The following DYNAP variants were observed in gnomAD, a reference collection of about 807,000 sequenced individuals.
DYNAP encodes the protein dynactin-associated protein.
Under a neutral mutation model 8.5 loss-of-function variants are expected in DYNAP, and 7 were observed. The ratio of observed to expected loss-of-function variants is 0.82; its 90% CI spans 0.47 to 1.54. The LOEUF is 1.54. Ranked by LOEUF, DYNAP falls within the 40% of genes most tolerant of loss-of-function variation. The pLI, the probability that DYNAP is intolerant of heterozygous loss-of-function variation, is 0.01. For synonymous variants in DYNAP, 77 were observed against 77.9 expected, an observed-to-expected ratio of 0.99 and a Z score of 0.06; for missense variants, 256 against 224.3, an observed-to-expected ratio of 1.14 and a Z score of -0.90.
intron 1 of DYNAP, 56 bp downstream of exon 1, chr18:54,591,395 C>T (rs1340450869): frequency 1.9e-6 from 3 of 1,539,782 alleles, no homozygotes; most frequent in African/African-American, 1.4e-5. Context: ...TCATTTTCAG[C>T]ATTTAAAAGC....
chr18:54,578,101 G>T, the DYNAP span, among the ~76,000 whole-genome samples: 1 of 152,210 alleles, frequency 6.6e-6, no homozygotes, highest in South Asian at 2.1e-4. Context: ...TCCCTCAGAG[G>T]AGGTATCAGT....
rs181847007 is a variant in DYNAP, at chr18:54,592,614, A to C, written c.57+1275A>C. 7.2e-5 allele frequency among the ~76,000 whole-genome samples: 11 copies of C among 152,294 alleles called. No homozygotes were observed. The East Asian group carries it at 2.1e-3, about 29-fold the overall frequency. On this transcript the variant is annotated intron_variant, in intron 1 of 2. Transcript: ENST00000648945. Reference sequence around the variant, plus strand: ...GTAAAAAACTTACCGAATGTACTTTAGTTAAGTACAACCAATGCATTTCAG... The same window carrying C: ...GTAAAAAACTTACCGAATGTACTTTCGTTAAGTACAACCAATGCATTTCAG...
chr18:54,580,687 T>G, the DYNAP span, among the ~76,000 whole-genome samples: 1 of 152,216 alleles, frequency 6.6e-6, no homozygotes, highest in Admixed American at 6.5e-5. Flanking sequence ...AAGATAAATT[T>G]GAATCTACAA....
chr18:54,588,495 G>A (rs1353628741), upstream of DYNAP, among the ~76,000 whole-genome samples: 1 of 152,052 alleles, frequency 6.6e-6, no homozygotes, highest in African/African-American at 2.4e-5. Flanking sequence ...GTGAGCCACC[G>A]CGCCCGGCCT....
chr18:54,594,905 A>G (rs780183487), intron 1 of DYNAP, 34 bp from the exon 2 acceptor site: 8 of 1,583,170 alleles, frequency 5.1e-6, no homozygotes, highest in Middle Eastern at 3.4e-4. Flanking sequence ...ATGGTTTCCT[A>G]GGCTTCCTAC....
chr18:54,584,531 T>C (rs1910814153), upstream of DYNAP, among the ~76,000 whole-genome samples: 1 of 152,042 alleles, frequency 6.6e-6, no homozygotes, highest in South Asian at 2.1e-4. Context: ...CACACCTGCA[T>C]TGTGAAAAAA....
upstream of DYNAP, among the ~76,000 whole-genome samples, chr18:54,590,514 T>G (rs969574874): frequency 6.6e-6 from 1 of 152,146 alleles, no homozygotes; most frequent in Non-Finnish European, 1.5e-5. Context: ...AATCCAAAAG[T>G]GTCATATACA....
At chr18:54,594,819 A>G (rs1749104472) in intron 1 of DYNAP, 120 bp from the exon 2 acceptor site, 20 of 1,122,542 alleles carry the variant, frequency 1.8e-5, no homozygotes, top group Non-Finnish European at 2.2e-5. Context: ...AGGGGATAAG[A>G]AAACATTTAT....
At chr18:54,581,371 G>T in the DYNAP span, among the ~76,000 whole-genome samples, 1 of 152,146 alleles carries the variant, frequency 6.6e-6, no homozygotes, top group Non-Finnish European at 1.5e-5. Flanking sequence ...ACATGAACAC[G>T]CTTTGTTTAC....
At chr18:54,595,425 A>G (rs2144890629) in intron 2 of DYNAP, among the ~76,000 whole-genome samples, 1 of 152,236 alleles carries the variant, frequency 6.6e-6, no homozygotes, top group East Asian at 1.9e-4. Flanking sequence ...ATGAATAAGA[A>G]TGTTGGCAAT....
At chr18:54,585,812 C>T (rs905615468), upstream of DYNAP, among the ~76,000 whole-genome samples, 2 of 152,158 alleles carry the variant, frequency 1.3e-5, no homozygotes, top group African/African-American at 4.8e-5. Flanking sequence ...ATGAGCTGCT[C>T]CAGCTTCGTG....
At chr18:54,597,225 A>T (rs1911330853) in intron 2 of DYNAP, among the ~76,000 whole-genome samples, 1 of 151,978 alleles carries the variant, frequency 6.6e-6, no homozygotes, top group South Asian at 2.1e-4. Context: ...TCTCACATTA[A>T]AAAAAAGGTA....
At chr18:54,592,033 G>C (rs1230098684) in intron 1 of DYNAP, among the ~76,000 whole-genome samples, 1 of 152,152 alleles carries the variant, frequency 6.6e-6, no homozygotes. Context: ...TGAAACATGT[G>C]TGAAGAAATA....
rs889065859 is a variant in DYNAP, at chr18:54,599,166, C to T, written c.*1021C>T. On this transcript the variant is annotated 3_prime_UTR_variant, in exon 3 of 3. Transcript: ENST00000648945. ...CCACTTTGGACACATGTTCTCAGGA[C>T]CTCCTGAGGGCTATGTCATGAGCCA... The T allele has an allele frequency of 3.9e-5, 6 of 152,102 alleles. No homozygotes were observed. Among genetic ancestry groups the T allele is most frequent in the African/African-American group, 1.4e-4 (6 of 41,414 alleles). 9.4% of individuals were successfully genotyped at this position (152,102 alleles called of 1,614,324 possible).
chr18:54,597,769 G>A (rs1398435843), intron 2 of DYNAP, 44 bp from the exon 3 acceptor site: 1 of 1,543,592 alleles, frequency 6.5e-7, no homozygotes, highest in Non-Finnish European at 8.8e-7. Context: ...TAAATTACAA[G>A]CATTTTTGTT....
chr18:54,582,015 G>A, the DYNAP span, among the ~76,000 whole-genome samples: 3 of 152,262 alleles, frequency 2.0e-5, no homozygotes, highest in South Asian at 4.1e-4. Context: ...GGCCGGGCGC[G>A]ATGGCTCACG....
At chr18:54,595,205 C>A in intron 2 of DYNAP, 102 bp downstream of exon 2, 2 of 1,301,224 alleles carry the variant, frequency 1.5e-6, no homozygotes, top group Non-Finnish European at 2.0e-6. Context: ...TTACTTAATT[C>A]ATTTATATTT....
the DYNAP span, among the ~76,000 whole-genome samples, chr18:54,579,961 G>A: frequency 9.9e-5 from 15 of 152,174 alleles, no homozygotes; most frequent in Non-Finnish European, 1.5e-4. Context: ...ATATTTTGAT[G>A]TAATGAGGTC....
rs752460267 is a variant in DYNAP at position 54,598,275 on chromosome 18, T to C, written c.*130T>C. ...GCTGCAGTCACTTTAACAGACTCTA[T>C]AACCGTTACAACTTCAACAAAATCA... On this transcript the variant is annotated 3_prime_UTR_variant, in exon 3 of 3. Coordinates refer to ENST00000648945, the MANE Select transcript of DYNAP (RefSeq NM_173629.3). The C allele has an allele frequency of 1.0e-6, 1 of 957,166 alleles. No individual in the cohort carries two copies. The highest frequency in any genetic ancestry group is 1.5e-6 in the Non-Finnish European group (1 of 664,380). The allele number at this position is 957,166 out of a possible 1,614,324, so 59.3% of individuals were successfully genotyped here.
Sources: allele counts gnomAD v4.1 joint callset (sites outside exome capture counted in the v4.1 genomes callset), GRCh38; gene constraint gnomAD v4.1.1; transcripts MANE v1.5; gene names NCBI Gene and HGNC (gene_info 2026-07-23, HGNC 2026-07-21).